Variants in MARCHF4 observed in about 807,000 individuals in gnomAD.
MARCHF4 encodes the protein membrane associated ring-CH-type finger 4.
MARCHF4 carries 14 observed loss-of-function variants against 43.9 expected under a neutral mutation model. That is an observed-to-expected ratio of 0.32 (90% CI 0.21 to 0.50). The LOEUF (loss-of-function observed/expected upper bound fraction) is 0.50, where lower values mean the gene tolerates loss of function less well. Ranked by LOEUF, MARCHF4 falls within the 20% of genes least tolerant of loss-of-function variation. MARCHF4 has a pLI of 0.98. For missense variants in MARCHF4, 468 were observed against 536.7 expected, an observed-to-expected ratio of 0.87 and a Z score of 1.27; for synonymous variants, 226 against 213.3, an observed-to-expected ratio of 1.06 and a Z score of -0.52.
At chr2:216,292,344 T>C (rs1276787536) in intron 1 of MARCHF4, among the ~76,000 whole-genome samples, 1 of 152,254 alleles carries the variant, frequency 6.6e-6, no homozygotes, top group Non-Finnish European at 1.5e-5. Flanking sequence ...AGTTGCCTTG[T>C]AGTTGTTCCA....
intron 3 of MARCHF4, 105 bp downstream of exon 3, chr2:216,277,567 G>A: frequency 8.2e-7 from 1 of 1,222,514 alleles, no homozygotes; most frequent in Admixed American, 2.2e-5. Flanking sequence ...TCAAGCCTGG[G>A]GCCATATCTG....
At chr2:216,367,940 A>AG (rs1434912295) in intron 1 of MARCHF4, among the ~76,000 whole-genome samples, 1 of 151,814 alleles carries the variant, frequency 6.6e-6, no homozygotes, top group African/African-American at 2.4e-5. Flanking sequence ...CTCTGAGGAA[A>AG]GGAGGGGGGG....
intron 1 of MARCHF4, among the ~76,000 whole-genome samples, chr2:216,314,591 G>A (rs1172859908): frequency 6.6e-6 from 1 of 152,114 alleles, no homozygotes; most frequent in Non-Finnish European, 1.5e-5. Context: ...CCAAAGTGCT[G>A]GGGTTACAGG....
rs1692761203 is a variant in MARCHF4 at position 216,371,385 on chromosome 2, G to C, written c.-1125C>G. 1 of 152,872 alleles carries C rather than the reference G, an allele frequency of 6.5e-6. No homozygotes were observed. Among genetic ancestry groups the C allele is most frequent in the Admixed American group, 6.5e-5 (1 of 15,310 alleles). The allele number at this position is 152,872 out of a possible 1,614,324, so 9.5% of individuals were successfully genotyped here. On this transcript the variant is annotated 5_prime_UTR_variant, in exon 1 of 4. Transcript: ENST00000273067. ...CAAGAGCCGAGAGAAGGGCAGGTCC[G>C]GGCGGGCGAGTGGCCTCGCCTTCTC...
chr2:216,337,294 T>G (rs574141897), intron 1 of MARCHF4, among the ~76,000 whole-genome samples: 1 of 152,356 alleles, frequency 6.6e-6, no homozygotes, highest in African/African-American at 2.4e-5. Context: ...GTTGGTTAAA[T>G]GGATCAGCGG....
chr2:216,337,937 G>C (rs1418800061), intron 1 of MARCHF4, among the ~76,000 whole-genome samples: 1 of 152,194 alleles, frequency 6.6e-6, no homozygotes, highest in Non-Finnish European at 1.5e-5. Flanking sequence ...TAGTGGAAGA[G>C]ACAGATATTT....
chr2:216,368,044 T>C (rs1288581777), intron 1 of MARCHF4, among the ~76,000 whole-genome samples: 1 of 152,158 alleles, frequency 6.6e-6, no homozygotes, highest in Non-Finnish European at 1.5e-5. Context: ...GGAAATATTA[T>C]CCCAGGGCAC....
chr2:216,261,701 T>C (rs1295159895), intron 3 of MARCHF4, among the ~76,000 whole-genome samples: 1 of 152,162 alleles, frequency 6.6e-6, no homozygotes, highest in Non-Finnish European at 1.5e-5. Flanking sequence ...GGGAGAGGTC[T>C]GGCCTGGAGA....
intron 1 of MARCHF4, among the ~76,000 whole-genome samples, chr2:216,336,066 TAA>T (rs34216672): frequency 0.079 from 4,767 of 60,176 alleles, 67 homozygotes; most frequent in South Asian, 0.27. Context: ...AGACTCTGTC[TAA>T]AAAAAAAAAA....
At chr2:216,343,024 G>T (rs1241069827) in intron 1 of MARCHF4, among the ~76,000 whole-genome samples, 6 of 152,198 alleles carry the variant, frequency 3.9e-5, no homozygotes, top group African/African-American at 1.4e-4. Flanking sequence ...TAGGAAGAAT[G>T]GTGAACTGTC....
At chr2:216,328,338 TTTTG>T (rs1692028976) in intron 1 of MARCHF4, among the ~76,000 whole-genome samples, 1 of 152,194 alleles carries the variant, frequency 6.6e-6, no homozygotes, top group Non-Finnish European at 1.5e-5. Flanking sequence ...CCCGGCTAAT[TTTTG>T]TTTTAGTAGA....
chr2:216,280,031 C>G (rs1291846950), intron 2 of MARCHF4, among the ~76,000 whole-genome samples: 1 of 152,148 alleles, frequency 6.6e-6, no homozygotes, highest in Non-Finnish European at 1.5e-5. Context: ...CCTTCTACCA[C>G]CTCTGAAGCC....
chr2:216,307,416 C>G (rs967705071), intron 1 of MARCHF4, among the ~76,000 whole-genome samples: 2 of 151,900 alleles, frequency 1.3e-5, no homozygotes, highest in South Asian at 2.1e-4. Context: ...ATTTTTAAAC[C>G]CTTGCTAGGC....
rs1692745790 is a variant in MARCHF4 at position 216,370,689 on chromosome 2, C to T, written c.-429G>A. The T allele has an allele frequency of 6.3e-6, 1 of 158,866 alleles. No individual in the cohort carries two copies. Among genetic ancestry groups the T allele is most frequent in the Non-Finnish European group, 1.4e-5 (1 of 72,902 alleles). The allele number at this position is 158,866 out of a possible 1,614,324, so 9.8% of individuals were successfully genotyped here. On this transcript the variant is annotated 5_prime_UTR_variant, in exon 1 of 4. Transcript: ENST00000273067. ...AGGATTATTGGGTTCTTCTCAAATT[C>T]CTACGCAGTGAGAAATCTTTCTTTT...
chr2:216,331,695 A>T (rs1255088672), intron 1 of MARCHF4, among the ~76,000 whole-genome samples: 1 of 152,252 alleles, frequency 6.6e-6, no homozygotes, highest in African/African-American at 2.4e-5. Context: ...CGATCAACGT[A>T]GTTCATGCCC....
chr2:216,304,607 C>T (rs1371546153), intron 1 of MARCHF4, among the ~76,000 whole-genome samples: 2 of 152,184 alleles, frequency 1.3e-5, no homozygotes, highest in African/African-American at 2.4e-5. Flanking sequence ...GTATATAAGG[C>T]CAACATAATG....
At chr2:216,345,280 A>G (rs1439927425) in intron 1 of MARCHF4, among the ~76,000 whole-genome samples, 1 of 151,928 alleles carries the variant, frequency 6.6e-6, no homozygotes, top group African/African-American at 2.4e-5. Flanking sequence ...CACATCGAGC[A>G]AGGGTTCAGG....
chr2:216,368,117 C>T, intron 1 of MARCHF4, among the ~76,000 whole-genome samples: 1 of 152,196 alleles, frequency 6.6e-6, no homozygotes, highest in Non-Finnish European at 1.5e-5. Context: ...CTCTCAGAAG[C>T]CCCTGTGACA....
At chr2:216,279,119 C>T (rs1691081637) in intron 2 of MARCHF4, among the ~76,000 whole-genome samples, 1 of 152,168 alleles carries the variant, frequency 6.6e-6, no homozygotes, top group South Asian at 2.1e-4. Context: ...GAACATGGCA[C>T]AGTGAGAGCC....
Sources: allele counts gnomAD v4.1 joint callset (sites outside exome capture counted in the v4.1 genomes callset), GRCh38; gene constraint gnomAD v4.1.1; transcripts MANE v1.5; gene names NCBI Gene and HGNC (gene_info 2026-07-23, HGNC 2026-07-21).